NLRC5: variants seen among roughly 807,000 people sequenced by gnomAD.
NLRC5 encodes the protein protein NLRC5.
NLRC5 carries 114 observed loss-of-function variants against 206.9 expected under a neutral mutation model. That is an observed-to-expected ratio of 0.55 (90% CI 0.47 to 0.64). The LOEUF (loss-of-function observed/expected upper bound fraction) is 0.64. Among genes scored for constraint, NLRC5 ranks in the 30% least tolerant of loss-of-function variants. The pLI is 0.00. For synonymous variants in NLRC5, 952 were observed against 962.8 expected (o/e 0.99, Z 0.21); for missense variants, 2,008 against 2,305.5 (o/e 0.87, Z 2.64).
intron 20 of NLRC5, 58 bp from the exon 21 acceptor site, chr16:57,045,384 TTGCCAC>T: frequency 6.3e-7 from 1 of 1,576,898 alleles, no homozygotes; most frequent in Non-Finnish European, 8.7e-7. Flanking sequence ...GTCTGGGTTC[TTGCCAC>T]TGCCAGGGAA....
At chr16:57,019,104 G>A (rs1207847654) in intron 2 of NLRC5, among the ~76,000 whole-genome samples, 1 of 152,152 alleles carries the variant, frequency 6.6e-6, no homozygotes, top group Non-Finnish European at 1.5e-5. Context: ...TGGTTTAAGA[G>A]TTCCAGTTCG....
chr16:57,034,143 C>T, intron 12 of NLRC5, 25 bp from the exon 13 acceptor site: 3 of 1,608,666 alleles, frequency 1.9e-6, no homozygotes, highest in Non-Finnish European at 2.6e-6. Context: ...GCCCTGAGCC[C>T]TTCTGTCCCC....
chr16:57,049,943 C>T (rs1256439641), intron 23 of NLRC5, among the ~76,000 whole-genome samples: 1 of 151,958 alleles, frequency 6.6e-6, no homozygotes, highest in Non-Finnish European at 1.5e-5. Context: ...GTACTCAATG[C>T]TGAAGTCCAG....
Position 57,037,291 on chromosome 16 carries a change from G to T in NLRC5, c.2801+7G>T. The stretch of plus-strand genomic sequence containing the variant: ...TGGCAGAGCTGCACATCAGGTGGGA[G>T]CTCCCTCAGACCACGGTACCCATCC... On this transcript the variant is annotated splice_region_variant and intron_variant, in intron 15 of 48. Coordinates refer to ENST00000688547, the MANE Select transcript of NLRC5 (RefSeq NM_001384950.1). 6.2e-7 allele frequency: 1 copy of T among 1,609,904 alleles called. No individual in the cohort carries two copies.
chr16:57,015,052 C>T (rs902453506), intron 1 of NLRC5, among the ~76,000 whole-genome samples: 10 of 152,242 alleles, frequency 6.6e-5, no homozygotes, highest in African/African-American at 2.4e-4. Flanking sequence ...CCTCAGCCTC[C>T]TGAGTAGCTG....
intron 43 of NLRC5, among the ~76,000 whole-genome samples, chr16:57,078,508 G>T (rs1212037229): frequency 7.9e-6 from 1 of 126,824 alleles, no homozygotes; most frequent in Non-Finnish European, 1.6e-5. Flanking sequence ...GTCTCTCTCT[G>T]TCACCCAGGC....
At chr16:57,031,919 T>G (rs1384697864) in intron 11 of NLRC5, among the ~76,000 whole-genome samples, 1 of 151,878 alleles carries the variant, frequency 6.6e-6, no homozygotes, top group African/African-American at 2.4e-5. Context: ...ATTCCAGCTG[T>G]GCATGGATTC....
intron 1 of NLRC5, among the ~76,000 whole-genome samples, chr16:56,998,124 A>C (rs2057839407): frequency 6.6e-6 from 1 of 151,432 alleles, no homozygotes; most frequent in Non-Finnish European, 1.5e-5. Flanking sequence ...GGGAGGGAGC[A>C]GTTCAGATGA....
rs192625960 is a variant in NLRC5, at chr16:57,080,641, C to T, written c.5322-457C>T. On this transcript the variant is annotated intron_variant, in intron 46 of 48. Coordinates refer to ENST00000688547, the MANE Select transcript of NLRC5 (RefSeq NM_001384950.1). ...CTGGGATTACAAGTGCCCACCACCA[C>T]ACCCAGCTAATTTTTGTATTTTTAG... Among the ~76,000 whole-genome samples, 251 of 152,134 alleles carry T rather than the reference C, an allele frequency of 1.6e-3. 1 individual carries two copies. Among genetic ancestry groups the T allele is most frequent in the African/African-American group, 5.7e-3 (237 of 41,496 alleles).
In NLRC5 at chr16:57,005,234, C is replaced by T. The variant is rs185232672; in HGVS notation, c.-127-11840C>T. On this transcript the variant is annotated intron_variant, in intron 1 of 48. Coordinates refer to ENST00000688547, the MANE Select transcript of NLRC5 (RefSeq NM_001384950.1). ...CTATAGAACAGTAAAAAACTTTATGCATTTGAATATCGTGAACCTTGTAAT... is the reference window on the plus strand; with the variant it reads ...CTATAGAACAGTAAAAAACTTTATGTATTTGAATATCGTGAACCTTGTAAT... Among the ~76,000 whole-genome samples the T allele has an allele frequency of 5.3e-5, 8 of 152,294 alleles. No individual in the cohort carries two copies. In the East Asian group the frequency reaches 1.5e-3, roughly 29 times the overall value.
intron 1 of NLRC5, chr16:56,991,259 T>C (rs7205459): frequency 0.097 from 14,689 of 152,062 alleles, 796 homozygotes; most frequent in Non-Finnish European, 0.12. Context: ...CTGGATCAGA[T>C]ACAGAGCTGT....
At chr16:57,054,297 T>G (rs896747512) in intron 24 of NLRC5, among the ~76,000 whole-genome samples, 12 of 152,110 alleles carry the variant, frequency 7.9e-5, no homozygotes, top group African/African-American at 2.7e-4. Context: ...CACATCTCAA[T>G]AGTGCTAAGG....
intron 10 of NLRC5, among the ~76,000 whole-genome samples, chr16:57,030,438 A>AGATGGATGGATGGGTGGATGGAAAGATG (rs765082342): frequency 2.2e-5 from 2 of 89,542 alleles, no homozygotes; most frequent in South Asian, 4.3e-4. Flanking sequence ...GTGGATGAAA[A>AGATGGATGGATGGGTGGATGGAAAGATG]GATGGATGGA....
chr16:57,022,665 C>A (rs566778147), intron 4 of NLRC5, among the ~76,000 whole-genome samples: 1 of 152,350 alleles, frequency 6.6e-6, no homozygotes, highest in East Asian at 1.9e-4. Context: ...GCCCTAACCA[C>A]CCCCTCCCGA....
intron 22 of NLRC5, 103 bp from the exon 23 acceptor site, chr16:57,047,442 C>T (rs1486984546): frequency 1.3e-5 from 13 of 1,023,582 alleles, no homozygotes; most frequent in Non-Finnish European, 1.9e-5. Flanking sequence ...CTGTGGCCTC[C>T]CACTTAGAGT....
intron 1 of NLRC5, among the ~76,000 whole-genome samples, chr16:57,005,544 G>C (rs996987023): frequency 6.6e-6 from 1 of 151,494 alleles, no homozygotes; most frequent in Non-Finnish European, 1.5e-5. Flanking sequence ...TGGGAGGTTT[G>C]AATGACAACT....
intron 11 of NLRC5, among the ~76,000 whole-genome samples, chr16:57,032,997 TA>T (rs60550061): frequency 3.8e-3 from 542 of 143,344 alleles, no homozygotes; most frequent in Middle Eastern, 7.0e-3. Context: ...ACCCTGTCTC[TA>T]AAAAAAAAAA....
Position 57,006,020 on chromosome 16 carries a change from C to T in NLRC5, c.-127-11054C>T, listed in dbSNP as rs571844412. On this transcript the variant is annotated intron_variant, in intron 1 of 48. Transcript: ENST00000688547. ...TTTGTATACACATTTTTTTTTGAGA[C>T]AGGGTCTCACTCTGTCACCCAGGCT... 2.0e-5 allele frequency among the ~76,000 whole-genome samples: 3 copies of T among 151,048 alleles called. No individual in the cohort carries two copies. The East Asian group carries it at 5.9e-4, about 30-fold the overall frequency.
chr16:57,006,053 A>G (rs1332015783), intron 1 of NLRC5, among the ~76,000 whole-genome samples: 5 of 151,798 alleles, frequency 3.3e-5, no homozygotes, highest in African/African-American at 1.2e-4. Context: ...GCTGGAGTGC[A>G]GGGATGCAAT....
Sources: gnomAD v4.1 joint callset for allele counts (sites outside exome capture counted in the v4.1 genomes callset) on GRCh38, gnomAD v4.1.1 for gene constraint, MANE v1.5 for transcripts, NCBI Gene and HGNC (gene_info 2026-07-23, HGNC 2026-07-21) for gene names.